Variants in ADD3 observed in about 807,000 individuals in gnomAD.
The protein encoded by ADD3 is adducin 3.
In ADD3, 25 loss-of-function variants were observed where a neutral mutation model predicts 80.2. The observed-to-expected ratio is 0.31, with a 90% CI of 0.23 to 0.44. The LOEUF is 0.44. Among genes scored for constraint, ADD3 ranks in the 20% least tolerant of loss-of-function variants. The pLI, the probability that ADD3 is intolerant of heterozygous loss-of-function variation, is 1.00. For synonymous variants in ADD3, 284 were observed against 289.6 expected, an observed-to-expected ratio of 0.98 and a Z score of 0.20; for missense variants, 829 against 847.5, an observed-to-expected ratio of 0.98 and a Z score of 0.27.
At chr10:110,041,720 C>T (rs1357530729) in intron 1 of ADD3, among the ~76,000 whole-genome samples, 1 of 152,134 alleles carries the variant, frequency 6.6e-6, no homozygotes, top group Non-Finnish European at 1.5e-5. Flanking sequence ...TGGGCCTCCT[C>T]TGTTATATGT....
chr10:110,055,236 G>A (rs1589900883), intron 1 of ADD3, among the ~76,000 whole-genome samples: 1 of 152,138 alleles, frequency 6.6e-6, no homozygotes, highest in African/African-American at 2.4e-5. Context: ...CTTCTTGCCC[G>A]GGTGTTCTGA....
intron 1 of ADD3, among the ~76,000 whole-genome samples, chr10:110,061,994 G>T (rs969448129): frequency 4.6e-5 from 7 of 151,912 alleles, no homozygotes; most frequent in Admixed American, 3.3e-4. Flanking sequence ...TGGGGTTCCA[G>T]GGCAGGAGGA....
intron 1 of ADD3, chr10:110,079,134 A>G (rs2133741971): frequency 6.6e-6 from 1 of 152,226 alleles, no homozygotes; most frequent in East Asian, 1.9e-4. Flanking sequence ...TGACATGAAA[A>G]GCATTGAGAA....
At chr10:110,082,507 T>A (rs1392273850) in intron 1 of ADD3, among the ~76,000 whole-genome samples, 1 of 152,212 alleles carries the variant, frequency 6.6e-6, no homozygotes, top group African/African-American at 2.4e-5. Context: ...TAAACTGTCT[T>A]ACGAGATAGC....
intron 1 of ADD3, among the ~76,000 whole-genome samples, chr10:110,084,249 G>A (rs1194274747): frequency 6.6e-6 from 1 of 152,138 alleles, no homozygotes; most frequent in African/African-American, 2.4e-5. Context: ...AGTAAAAATT[G>A]TTTTAGATTC....
intron 1 of ADD3, among the ~76,000 whole-genome samples, chr10:110,097,772 T>A (rs567252834): frequency 7.4e-6 from 1 of 134,600 alleles, no homozygotes; most frequent in Admixed American, 6.7e-5. Context: ...TTAGTCTTTG[T>A]TTTTCTTTTT....
At chr10:110,001,910 T>C (rs1851493825), upstream of ADD3, among the ~76,000 whole-genome samples, 1 of 152,246 alleles carries the variant, frequency 6.6e-6, no homozygotes. Context: ...GACTATGTGA[T>C]GAAAAGATGT....
At chr10:110,114,231 A>C (rs1850409091) in intron 3 of ADD3, among the ~76,000 whole-genome samples, 1 of 152,202 alleles carries the variant, frequency 6.6e-6, no homozygotes, top group African/African-American at 2.4e-5. Context: ...TTAAAGTTGG[A>C]AGGTTACGGG....
intron 1 of ADD3, among the ~76,000 whole-genome samples, chr10:110,032,709 A>T (rs934129314): frequency 2.6e-5 from 4 of 152,224 alleles, no homozygotes; most frequent in Admixed American, 2.6e-4. Context: ...AGAATCTGAA[A>T]TAATCGCTAT....
chr10:110,110,070 AAAAAG>A (rs780765137), intron 2 of ADD3, among the ~76,000 whole-genome samples: 11 of 152,358 alleles, frequency 7.2e-5, no homozygotes, highest in Admixed American at 6.5e-4. Flanking sequence ...TTGAATTTGT[AAAAAG>A]AAAAGCCATA....
intron 1 of ADD3, among the ~76,000 whole-genome samples, chr10:110,068,644 A>G (rs942618578): frequency 6.6e-6 from 1 of 152,204 alleles, no homozygotes; most frequent in Admixed American, 6.5e-5. Flanking sequence ...TTCCTACTCC[A>G]GGATTAAACT....
intron 1 of ADD3, among the ~76,000 whole-genome samples, chr10:110,055,326 C>T (rs763250898): frequency 1.8e-4 from 27 of 152,090 alleles, no homozygotes; most frequent in African/African-American, 6.3e-4. Context: ...GTTGCTATTA[C>T]CCTTAATTTC....
intron 1 of ADD3, among the ~76,000 whole-genome samples, chr10:110,071,652 G>C (rs925949816): frequency 3.3e-5 from 5 of 151,914 alleles, no homozygotes; most frequent in African/African-American, 1.2e-4. Context: ...GTCTTCACAA[G>C]GTGTTAATAA....
intron 11 of ADD3, 43 bp from the exon 12 acceptor site, chr10:110,126,374 A>G (rs758376667): frequency 3.3e-5 from 47 of 1,435,186 alleles, no homozygotes; most frequent in Non-Finnish European, 4.4e-5. Flanking sequence ...TCATCTGCAT[A>G]GTTGCCCTCA....
chr10:110,016,815 T>C (rs1853056677), intron 1 of ADD3, among the ~76,000 whole-genome samples: 1 of 152,158 alleles, frequency 6.6e-6, no homozygotes, highest in Non-Finnish European at 1.5e-5. Flanking sequence ...AAACTTACTG[T>C]GGTAGCAGCC....
chr10:109,999,988 C>T (rs555058677), intron 1 of ADD3, among the ~76,000 whole-genome samples: 3 of 148,866 alleles, frequency 2.0e-5, no homozygotes, highest in South Asian at 2.1e-4. Flanking sequence ...GGTGCGATCT[C>T]GGCTCACTGC....
chr10:110,024,561 A>G (rs746642447), intron 1 of ADD3, among the ~76,000 whole-genome samples: 3 of 152,236 alleles, frequency 2.0e-5, no homozygotes, highest in African/African-American at 4.8e-5. Context: ...ATATTGGGAC[A>G]TAGTGATTTT....
intron 13 of ADD3, among the ~76,000 whole-genome samples, chr10:110,131,979 T>C (rs1853075332): frequency 6.6e-6 from 1 of 152,238 alleles, no homozygotes; most frequent in South Asian, 2.1e-4. Context: ...TTATAATTTT[T>C]TTCATCTGTC....
chr10:110,078,365 G>T (rs1480987870), intron 1 of ADD3, among the ~76,000 whole-genome samples: 1 of 152,186 alleles, frequency 6.6e-6, no homozygotes, highest in Admixed American at 6.5e-5. Context: ...ATGCTAAAGG[G>T]AATATGCTAG....
Sources: gnomAD v4.1 joint callset for allele counts (sites outside exome capture counted in the v4.1 genomes callset) on GRCh38, gnomAD v4.1.1 for gene constraint, MANE v1.5 for transcripts, NCBI Gene and HGNC (gene_info 2026-07-23, HGNC 2026-07-21) for gene names.